Variants in ADAMTSL1 observed in about 807,000 individuals in gnomAD.
ADAMTSL1 encodes the protein ADAMTS like 1.
Under a neutral mutation model 201.8 loss-of-function variants are expected in ADAMTSL1, and 126 were observed. The ratio of observed to expected loss-of-function variants is 0.62; its 90% CI spans 0.54 to 0.72. The LOEUF is 0.72. Among genes scored for constraint, ADAMTSL1 ranks in the 30% least tolerant of loss-of-function variants. The pLI is 0.00. For missense variants in ADAMTSL1, 2,679 were observed against 2,277.8 expected (o/e 1.18, Z -3.59); for synonymous variants, 1,121 against 903.4 (o/e 1.24, Z -4.32).
At chr9:17,940,802 A>ACCCCCCCC (rs60278506) in intron 1 of ADAMTSL1, among the ~76,000 whole-genome samples, 2 of 50,790 alleles carry the variant, frequency 3.9e-5, no homozygotes, top group Admixed American at 3.6e-4. Context: ...AGTAAATAAC[A>ACCCCCCCC]CCCCCCCCCC....
chr9:18,328,081 C>G (rs935552239), intron 2 of ADAMTSL1, among the ~76,000 whole-genome samples: 7 of 152,140 alleles, frequency 4.6e-5, no homozygotes, highest in Admixed American at 3.9e-4. Context: ...AGAAGTGTTA[C>G]AAGTCAAAGA....
At chr9:17,935,080 T>G (rs1471063650) in intron 1 of ADAMTSL1, among the ~76,000 whole-genome samples, 1 of 152,116 alleles carries the variant, frequency 6.6e-6, no homozygotes, top group Admixed American at 6.6e-5. Flanking sequence ...ACTTTCACAG[T>G]ATTACTCCTC....
At chr9:18,817,318 A>G in intron 21 of ADAMTSL1, 81 bp downstream of exon 21, 1 of 1,413,016 alleles carries the variant, frequency 7.1e-7, no homozygotes, top group South Asian at 1.4e-5. Context: ...TTAGACACAA[A>G]TTCTACTCTC....
At chr9:17,953,706 G>T (rs1563917023) in intron 1 of ADAMTSL1, among the ~76,000 whole-genome samples, 2 of 152,154 alleles carry the variant, frequency 1.3e-5, no homozygotes, top group Non-Finnish European at 2.9e-5. Context: ...AAAGAAAAAG[G>T]ATATGCTTGT....
intron 2 of ADAMTSL1, among the ~76,000 whole-genome samples, chr9:18,339,897 T>A (rs1835398722): frequency 6.6e-6 from 1 of 152,170 alleles, no homozygotes; most frequent in African/African-American, 2.4e-5. Flanking sequence ...CTCTCTTCCA[T>A]ATTCAGGTAT....
chr9:18,845,119 C>T (rs1349051010), intron 23 of ADAMTSL1, among the ~76,000 whole-genome samples: 3 of 152,204 alleles, frequency 2.0e-5, no homozygotes, highest in African/African-American at 7.2e-5. Flanking sequence ...AGAAATCACC[C>T]GTCTTCTGCA....
At chr9:18,875,063 A>G (rs1480351429) in intron 23 of ADAMTSL1, among the ~76,000 whole-genome samples, 1 of 152,090 alleles carries the variant, frequency 6.6e-6, no homozygotes, top group Non-Finnish European at 1.5e-5. Context: ...AAAGCTGTTC[A>G]TAGTAGCCTT....
chr9:18,270,163 C>G (rs1309422360), intron 2 of ADAMTSL1, among the ~76,000 whole-genome samples: 1 of 151,974 alleles, frequency 6.6e-6, no homozygotes, highest in African/African-American at 2.4e-5. Flanking sequence ...GGTTTGGTGT[C>G]TGGTAAAGAC....
At chr9:18,212,362 C>T (rs1829910159) in intron 2 of ADAMTSL1, among the ~76,000 whole-genome samples, 1 of 152,000 alleles carries the variant, frequency 6.6e-6, no homozygotes, top group South Asian at 2.1e-4. Context: ...CCAAGTGTGT[C>T]CATAATTTTA....
chr9:18,883,867 G>A (rs1204078092), intron 23 of ADAMTSL1, among the ~76,000 whole-genome samples: 1 of 152,142 alleles, frequency 6.6e-6, no homozygotes, highest in Admixed American at 6.6e-5. Context: ...GAATAATGCT[G>A]CTATGAACAT....
chr9:18,062,000 T>A (rs980262524), intron 1 of ADAMTSL1, among the ~76,000 whole-genome samples: 1 of 152,194 alleles, frequency 6.6e-6, no homozygotes, highest in Non-Finnish European at 1.5e-5. Context: ...GAAGTACAAG[T>A]TGCAGTGCAG....
chr9:17,937,457 G>A (rs1193119719), intron 1 of ADAMTSL1, among the ~76,000 whole-genome samples: 1 of 151,922 alleles, frequency 6.6e-6, no homozygotes, highest in Non-Finnish European at 1.5e-5. Context: ...TCCCTGAAGG[G>A]CAACTAGATT....
chr9:18,657,775 A>C (rs2132983128), intron 8 of ADAMTSL1, 25 bp downstream of exon 8: 1 of 1,581,706 alleles, frequency 6.3e-7, no homozygotes, highest in African/African-American at 1.3e-5. Flanking sequence ...TTAGTCTAAA[A>C]ACTGTTGGCT....
chr9:17,991,537 C>G (rs1411252), intron 1 of ADAMTSL1, among the ~76,000 whole-genome samples: 5,352 of 152,140 alleles, frequency 0.035, 117 homozygotes, highest in Non-Finnish European at 0.043. Flanking sequence ...GCTTTGTCTT[C>G]TAAGGGGTGA....
At chr9:17,956,931 C>T (rs1452021646) in intron 1 of ADAMTSL1, among the ~76,000 whole-genome samples, 2 of 152,104 alleles carry the variant, frequency 1.3e-5, no homozygotes, top group African/African-American at 4.8e-5. Flanking sequence ...GTTCTTTCCT[C>T]ATTAGCTTGC....
intron 20 of ADAMTSL1, among the ~76,000 whole-genome samples, chr9:18,804,701 GTTTA>G (rs879851962): frequency 6.6e-6 from 1 of 152,098 alleles, no homozygotes; most frequent in Non-Finnish European, 1.5e-5. Flanking sequence ...GTCCCTCAAA[GTTTA>G]TTTGACTCAT....
At chr9:17,977,802 A>C (rs1818515054) in intron 1 of ADAMTSL1, among the ~76,000 whole-genome samples, 1 of 152,128 alleles carries the variant, frequency 6.6e-6, no homozygotes, top group South Asian at 2.1e-4. Flanking sequence ...TATATTCTAC[A>C]GCTGTTGAAT....
chr9:18,746,510 G>C (rs1213136338), intron 15 of ADAMTSL1, among the ~76,000 whole-genome samples: 2 of 152,164 alleles, frequency 1.3e-5, no homozygotes, highest in Admixed American at 1.3e-4. Flanking sequence ...AATAACTTCA[G>C]TTTACAATAA....
intron 1 of ADAMTSL1, among the ~76,000 whole-genome samples, chr9:18,148,968 T>G (rs2383063): frequency 6.6e-6 from 1 of 152,130 alleles, no homozygotes. Context: ...AGGAAAAATC[T>G]TCTAGACTTA....
Sources: gnomAD v4.1 joint callset for allele counts (sites outside exome capture counted in the v4.1 genomes callset) on GRCh38, gnomAD v4.1.1 for gene constraint, MANE v1.5 for transcripts, NCBI Gene and HGNC (gene_info 2026-07-23, HGNC 2026-07-21) for gene names.